KIAA0232: variants seen among roughly 807,000 people sequenced by gnomAD.
The protein encoded by KIAA0232 is KIAA0232, also known as uncharacterized protein KIAA0232.
In KIAA0232, 27 loss-of-function variants were observed where a neutral mutation model predicts 122.0. That is an observed-to-expected ratio of 0.22 (90% CI 0.16 to 0.31). KIAA0232 has a LOEUF of 0.31. Ranked by LOEUF, KIAA0232 falls within the 10% of genes least tolerant of loss-of-function variation. KIAA0232 has a pLI of 1.00. For synonymous variants in KIAA0232, 613 were observed against 587.6 expected, an observed-to-expected ratio of 1.04 and a Z score of -0.63; for missense variants, 1,551 against 1,634.2, an observed-to-expected ratio of 0.95 and a Z score of 0.88.
At chr4:6,876,546 C>T in intron 8 of KIAA0232, 114 bp from the exon 9 acceptor site, 1 of 741,528 alleles carries the variant, frequency 1.3e-6, no homozygotes. Flanking sequence ...GTTGGGAGAC[C>T]TAACTGATGT....
intron 7 of KIAA0232, among the ~76,000 whole-genome samples, chr4:6,870,619 G>A (rs6835732): frequency 0.35 from 53,504 of 151,772 alleles, 10,328 homozygotes; most frequent in African/African-American, 0.5. Flanking sequence ...CCTGGCCAAC[G>A]TGGCAAAACC....
intron 9 of KIAA0232, among the ~76,000 whole-genome samples, chr4:6,879,705 A>G (rs1466723362): frequency 1.3e-5 from 2 of 152,004 alleles, no homozygotes; most frequent in Admixed American, 6.6e-5. Flanking sequence ...GATGCTGACC[A>G]TCTGGTGTAG....
At chr4:6,817,094 C>T (rs540531884) in intron 2 of KIAA0232, among the ~76,000 whole-genome samples, 7 of 152,136 alleles carry the variant, frequency 4.6e-5, no homozygotes, top group African/African-American at 9.6e-5. Context: ...GTTTAGGCTT[C>T]GTTTGCTCTT....
chr4:6,792,184 A>C (rs918923071), intron 1 of KIAA0232, among the ~76,000 whole-genome samples: 1 of 152,204 alleles, frequency 6.6e-6, no homozygotes. Context: ...ACACAGATCT[A>C]CTTTAGGTAC....
At chr4:6,870,541 G>A (rs961235018) in intron 7 of KIAA0232, among the ~76,000 whole-genome samples, 1 of 152,188 alleles carries the variant, frequency 6.6e-6, no homozygotes, top group African/African-American at 2.4e-5. Flanking sequence ...GGTGGCTCAC[G>A]CCTGTAATCC....
intron 2 of KIAA0232, among the ~76,000 whole-genome samples, chr4:6,821,071 C>A (rs1401214567): frequency 6.6e-6 from 1 of 152,176 alleles, no homozygotes; most frequent in African/African-American, 2.4e-5. Flanking sequence ...CCTCTTAATA[C>A]CATCACAATG....
rs1300236077 is a variant in KIAA0232 at position 6,858,881 on chromosome 4, A to G, written c.518+375A>G. 3.9e-5 allele frequency among the ~76,000 whole-genome samples: 6 copies of G among 152,154 alleles called. No homozygotes were observed. The South Asian group carries it at 1.2e-3, about 32-fold the overall frequency. On this transcript the variant is annotated intron_variant, in intron 6 of 9. Coordinates refer to ENST00000307659, the MANE Select transcript of KIAA0232 (RefSeq NM_014743.3). ...TCCCAGCACTTTGGGAAGCCAAGGC[A>G]GGTGGATCACCTGAGGTCAGGAGTT...
At chr4:6,843,074 T>C (rs2108742703) in intron 4 of KIAA0232, among the ~76,000 whole-genome samples, 1 of 152,358 alleles carries the variant, frequency 6.6e-6, no homozygotes, top group East Asian at 1.9e-4. Context: ...TTTTATTCTT[T>C]TAGCATTTCA....
intron 3 of KIAA0232, among the ~76,000 whole-genome samples, chr4:6,838,346 G>A (rs1013758416): frequency 6.6e-6 from 1 of 152,052 alleles, no homozygotes; most frequent in Non-Finnish European, 1.5e-5. Context: ...ACACCACCAT[G>A]CCCGGCTAAT....
Position 6,882,664 on chromosome 4 carries a change from G to C in KIAA0232, c.*1698G>C, listed in dbSNP as rs1478188270. On this transcript the variant is annotated 3_prime_UTR_variant, in exon 10 of 10. Transcript: ENST00000307659. ...TGTGTGTGTGCGCGCGTGCGCGCGC[G>C]CATGTGTAAGGTTTTATGTTGCTGT... 6.6e-6 allele frequency: 1 copy of C among 152,556 alleles called. No homozygotes were observed. The allele number at this position is 152,556 out of a possible 1,614,324, so 9.5% of individuals were successfully genotyped here.
intron 8 of KIAA0232, among the ~76,000 whole-genome samples, chr4:6,872,817 C>T (rs565580706): frequency 2.0e-5 from 3 of 152,360 alleles, no homozygotes; most frequent in South Asian, 2.1e-4. Context: ...GTGTTGTCCT[C>T]GGAAAGCCTC....
chr4:6,880,760 A>T, intron 9 of KIAA0232, 27 bp from the exon 10 acceptor site: 1 of 1,466,184 alleles, frequency 6.8e-7, no homozygotes, highest in Non-Finnish European at 9.1e-7. Context: ...AGTCTTTTTG[A>T]TGTGTTGAAA....
chr4:6,820,706 T>TCGG lies in KIAA0232; in HGVS notation c.-269-3479_-269-3478insCGG, dbSNP rs1718383914. Among the ~76,000 whole-genome samples the TCGG allele has an allele frequency of 1.2e-4, 19 of 152,254 alleles. 1 individual carries two copies. In the South Asian group the frequency reaches 3.8e-3, roughly 31 times the overall value. ...TTTAAGCAATTGTCTTTTAAAGATA[T>TCGG]TTAAATAATAAGACAAATGTTGTTA... On this transcript the variant is annotated intron_variant, in intron 2 of 9. Transcript: ENST00000307659.
At chr4:6,817,271 T>A (rs992098912) in intron 2 of KIAA0232, among the ~76,000 whole-genome samples, 1 of 152,182 alleles carries the variant, frequency 6.6e-6, no homozygotes. Context: ...ACTTCCTAAT[T>A]GGCATGATCT....
At chr4:6,860,513 C>T (rs932453303) in intron 6 of KIAA0232, among the ~76,000 whole-genome samples, 1 of 152,326 alleles carries the variant, frequency 6.6e-6, no homozygotes, top group African/African-American at 2.4e-5. Flanking sequence ...AAATAATGAG[C>T]TTAAAGTCGC....
intron 3 of KIAA0232, among the ~76,000 whole-genome samples, chr4:6,836,445 A>G (rs1044143508): frequency 2.0e-5 from 3 of 150,164 alleles, no homozygotes; most frequent in Admixed American, 6.6e-5. Flanking sequence ...ACTTGTAGAA[A>G]TATTGTTCTC....
chr4:6,836,350 G>C (rs1188049454), intron 3 of KIAA0232, among the ~76,000 whole-genome samples: 1 of 148,294 alleles, frequency 6.7e-6, no homozygotes, highest in Admixed American at 6.7e-5. Flanking sequence ...TTTTTTTTTG[G>C]CTTTGCAAAT....
intron 2 of KIAA0232, among the ~76,000 whole-genome samples, chr4:6,810,076 A>G (rs1209587851): frequency 6.6e-6 from 1 of 152,182 alleles, no homozygotes; most frequent in Non-Finnish European, 1.5e-5. Context: ...TTAGGAAAAA[A>G]ATCCTAAATT....
chr4:6,796,662 G>T lies in KIAA0232; in HGVS notation c.-353-7861G>T, dbSNP rs544115823. Among the ~76,000 whole-genome samples the T allele has an allele frequency of 6.4e-4, 97 of 152,356 alleles. 3 individuals are homozygous for T. The South Asian group carries it at 0.019, about 29-fold the overall frequency. ...GCACACATTTATAAGATTTGACACA[G>T]TTAGTGCAAGAAGGTGACTCTTATG... is the stretch of plus-strand genomic sequence containing the variant. On this transcript the variant is annotated intron_variant, in intron 1 of 9. Coordinates refer to ENST00000307659, the MANE Select transcript of KIAA0232 (RefSeq NM_014743.3).
Sources: allele counts gnomAD v4.1 joint callset (sites outside exome capture counted in the v4.1 genomes callset), GRCh38; gene constraint gnomAD v4.1.1; transcripts MANE v1.5; gene names NCBI Gene and HGNC (gene_info 2026-07-23, HGNC 2026-07-21).